Variants in KHDRBS2 observed in about 807,000 individuals in gnomAD.
KHDRBS2 encodes KH RNA binding domain containing, signal transduction associated 2, also known as KH domain-containing, RNA-binding, signal transduction-associated protein 2.
In KHDRBS2, 26 loss-of-function variants were observed where a neutral mutation model predicts 44.3. That is an observed-to-expected ratio of 0.59 (90% CI 0.43 to 0.81). The LOEUF (loss-of-function observed/expected upper bound fraction) is 0.81, where lower values mean the gene tolerates loss of function less well. KHDRBS2 is among the 40% of genes least tolerant of loss of function. KHDRBS2 has a pLI of 0.00. For missense variants in KHDRBS2, 476 were observed against 433.1 expected (o/e 1.10, Z -0.88); for synonymous variants, 194 against 151.1 (o/e 1.28, Z -2.08).
intron 2 of KHDRBS2, among the ~76,000 whole-genome samples, chr6:62,163,146 C>T (rs190929084): frequency 6.6e-6 from 1 of 151,894 alleles, no homozygotes; most frequent in African/African-American, 2.4e-5. Context: ...AGAGTAGAAA[C>T]CAGCAAACTA....
chr6:61,667,161 C>A, the KHDRBS2 span, among the ~76,000 whole-genome samples: 4 of 144,658 alleles, frequency 2.8e-5, no homozygotes, highest in African/African-American at 2.5e-5. Flanking sequence ...GATGGAAGGA[C>A]AAATGTAAGG....
intron 3 of KHDRBS2, among the ~76,000 whole-genome samples, chr6:61,994,161 A>G (rs1332991260): frequency 6.6e-6 from 1 of 152,126 alleles, no homozygotes; most frequent in Non-Finnish European, 1.5e-5. Context: ...CAATTTTCCT[A>G]ATCTCAATGG....
intron 2 of KHDRBS2, among the ~76,000 whole-genome samples, chr6:62,149,428 A>G (rs1423406153): frequency 2.6e-5 from 4 of 152,092 alleles, no homozygotes; most frequent in South Asian, 4.1e-4. Flanking sequence ...AGCAACAGCT[A>G]TCTTACATGC....
intron 3 of KHDRBS2, among the ~76,000 whole-genome samples, chr6:62,026,606 T>A (rs1271133167): frequency 1.3e-5 from 2 of 151,672 alleles, no homozygotes; most frequent in Admixed American, 1.3e-4. Flanking sequence ...TTAACTTTTT[T>A]TTTTCAGAGC....
chr6:62,145,753 G>C (rs1290323935), intron 2 of KHDRBS2, among the ~76,000 whole-genome samples: 1 of 151,752 alleles, frequency 6.6e-6, no homozygotes, highest in Non-Finnish European at 1.5e-5. Flanking sequence ...TCTGAAATCT[G>C]AAATGCTCTA....
chr6:61,788,964 T>G (rs1156576668), intron 6 of KHDRBS2, among the ~76,000 whole-genome samples: 1 of 151,408 alleles, frequency 6.6e-6, no homozygotes, highest in Non-Finnish European at 1.5e-5. Flanking sequence ...TAGTAAGATT[T>G]CCAAACTGAA....
At chr6:61,580,904 G>A in the KHDRBS2 span, among the ~76,000 whole-genome samples, 1 of 152,074 alleles carries the variant, frequency 6.6e-6, no homozygotes, top group African/African-American at 2.4e-5. Flanking sequence ...CCACCAGCAG[G>A]AATTAATTCC....
At chr6:62,080,406 C>T (rs1174704218) in intron 2 of KHDRBS2, among the ~76,000 whole-genome samples, 1 of 151,940 alleles carries the variant, frequency 6.6e-6, no homozygotes, top group Non-Finnish European at 1.5e-5. Flanking sequence ...TCATTTTTTC[C>T]ATTAGAAATG....
the KHDRBS2 span, among the ~76,000 whole-genome samples, chr6:61,555,336 G>A: frequency 1.3e-5 from 2 of 152,128 alleles, no homozygotes; most frequent in South Asian, 2.1e-4. Context: ...AATTCTTGAA[G>A]TAAGTTTTTC....
rs141554429 is a variant in KHDRBS2 at position 62,268,564 on chromosome 6, G to A, written c.91+17294C>T. On this transcript the variant is annotated intron_variant, in intron 1 of 8. Coordinates refer to ENST00000281156, the MANE Select transcript of KHDRBS2 (RefSeq NM_152688.4). Reference sequence around the variant, plus strand: ...GTACATCTACTCTACCAAGGGTGGAGATGCCAATTCTGTTTGTATAAAATA... The same window carrying A: ...GTACATCTACTCTACCAAGGGTGGAAATGCCAATTCTGTTTGTATAAAATA... Among the ~76,000 whole-genome samples the A allele has an allele frequency of 5.6e-3, 851 of 152,168 alleles. 4 individuals carry two copies. Among genetic ancestry groups the A allele is most frequent in the Non-Finnish European group, 9.3e-3 (629 of 67,972 alleles).
At chr6:61,553,163 T>C in the KHDRBS2 span, among the ~76,000 whole-genome samples, 5 of 152,204 alleles carry the variant, frequency 3.3e-5, no homozygotes, top group Admixed American at 1.3e-4. Context: ...TTTTTATTAC[T>C]GATTCAAATT....
chr6:61,706,175 T>C (rs1769511883), intron 7 of KHDRBS2, among the ~76,000 whole-genome samples: 1 of 151,816 alleles, frequency 6.6e-6, no homozygotes, highest in Non-Finnish European at 1.5e-5. Context: ...CAGCCCTCCC[T>C]GTGTACTCTC....
the KHDRBS2 span, among the ~76,000 whole-genome samples, chr6:61,653,598 T>C: frequency 1.5e-4 from 19 of 129,364 alleles, no homozygotes; most frequent in African/African-American, 5.5e-4. Flanking sequence ...TCAAGTCTAA[T>C]GTGAAACTGA....
At chr6:61,767,278 C>G (rs952005665) in intron 6 of KHDRBS2, among the ~76,000 whole-genome samples, 1 of 151,884 alleles carries the variant, frequency 6.6e-6, no homozygotes, top group East Asian at 1.9e-4. Context: ...CTAGCTACTC[C>G]TCCTCTTTTT....
At chr6:61,859,723 A>C (rs1583205748) in intron 6 of KHDRBS2, among the ~76,000 whole-genome samples, 1 of 152,000 alleles carries the variant, frequency 6.6e-6, no homozygotes, top group Admixed American at 6.6e-5. Flanking sequence ...ATAAACATGC[A>C]AGTGTGCGTA....
At chr6:61,563,105 A>T in the KHDRBS2 span, among the ~76,000 whole-genome samples, 1 of 152,148 alleles carries the variant, frequency 6.6e-6, no homozygotes, top group Non-Finnish European at 1.5e-5. Context: ...TTTCCCTAAC[A>T]CTGGTTCCCC....
intron 1 of KHDRBS2, among the ~76,000 whole-genome samples, chr6:62,276,688 T>C (rs569722792): frequency 2.3e-4 from 35 of 152,344 alleles, no homozygotes; most frequent in Non-Finnish European, 4.3e-4. Flanking sequence ...TTTTATGATA[T>C]CATATAATAA....
the KHDRBS2 span, chr6:61,630,139 AT>A: frequency 6.6e-6 from 1 of 152,304 alleles, no homozygotes; most frequent in Admixed American, 6.5e-5. Context: ...AAGTTCAATT[AT>A]TTTTACTATC....
intron 6 of KHDRBS2, among the ~76,000 whole-genome samples, chr6:61,863,280 T>A (rs1797296847): frequency 6.6e-6 from 1 of 151,458 alleles, no homozygotes; most frequent in Admixed American, 6.6e-5. Flanking sequence ...TTTTTGTCTT[T>A]CAATCTCCTT....
Sources: gnomAD v4.1 joint callset for allele counts (sites outside exome capture counted in the v4.1 genomes callset) on GRCh38, gnomAD v4.1.1 for gene constraint, MANE v1.5 for transcripts, NCBI Gene and HGNC (gene_info 2026-07-23, HGNC 2026-07-21) for gene names.